The following ACAP2 variants were observed in gnomAD, a reference collection of about 807,000 sequenced individuals.
ACAP2 encodes arf-GAP with coiled-coil, ANK repeat and PH domain-containing protein 2.
In ACAP2, 39 loss-of-function variants were observed where a neutral mutation model predicts 115.8. That is an observed-to-expected ratio of 0.34 (90% CI 0.26 to 0.44). The LOEUF (loss-of-function observed/expected upper bound fraction) is 0.44. Among genes scored for constraint, ACAP2 ranks in the 20% least tolerant of loss-of-function variants. The probability of loss-of-function intolerance (pLI) is 1.00; values close to 1 mark genes in which losing one functional copy is unlikely to be tolerated. For synonymous variants in ACAP2, 289 were observed against 315.8 expected (o/e 0.92, Z 0.90); for missense variants, 662 against 927.6 (o/e 0.71, Z 3.72).
intron 1 of ACAP2, among the ~76,000 whole-genome samples, chr3:195,412,363 T>G (rs188530717): frequency 6.6e-6 from 1 of 151,142 alleles, no homozygotes; most frequent in African/African-American, 2.4e-5. Flanking sequence ...GGGCAGATCT[T>G]GAGGTCAGGA....
chr3:195,388,983 C>T (rs1175341578), intron 2 of ACAP2, among the ~76,000 whole-genome samples: 1 of 151,112 alleles, frequency 6.6e-6, no homozygotes, highest in African/African-American at 2.4e-5. Context: ...GAGATCACAC[C>T]ACTGCACTCC....
chr3:195,427,722 C>T (rs1321481196), intron 1 of ACAP2, among the ~76,000 whole-genome samples: 1 of 152,004 alleles, frequency 6.6e-6, no homozygotes, highest in Non-Finnish European at 1.5e-5. Flanking sequence ...CCAGCCTGGG[C>T]AACATGGCAA....
chr3:195,414,329 G>A (rs1040708290), intron 1 of ACAP2, among the ~76,000 whole-genome samples: 1 of 152,062 alleles, frequency 6.6e-6, no homozygotes, highest in Non-Finnish European at 1.5e-5. Flanking sequence ...GGATGGTCTC[G>A]AACTCCTGAG....
intron 1 of ACAP2, among the ~76,000 whole-genome samples, chr3:195,396,803 A>AAG (rs1711824664): frequency 6.6e-6 from 1 of 150,512 alleles, no homozygotes; most frequent in African/African-American, 2.4e-5. Context: ...GAAAAAAAAA[A>AAG]AAAAAAAAAA....
intron 6 of ACAP2, among the ~76,000 whole-genome samples, chr3:195,341,320 G>T (rs28549101): frequency 1.7e-5 from 2 of 115,414 alleles, no homozygotes; most frequent in South Asian, 2.7e-4. Context: ...TTATTGTGTG[G>T]GTTTTTTTTT....
intron 1 of ACAP2, among the ~76,000 whole-genome samples, chr3:195,420,833 A>AG (rs1320799182): frequency 6.6e-6 from 1 of 151,954 alleles, no homozygotes; most frequent in Non-Finnish European, 1.5e-5. Flanking sequence ...TAGTAGAGAC[A>AG]GGGTTTCACC....
chr3:195,398,147 AATG>A (rs1711960970), intron 1 of ACAP2, among the ~76,000 whole-genome samples: 1 of 152,218 alleles, frequency 6.6e-6, no homozygotes, highest in Non-Finnish European at 1.5e-5. Flanking sequence ...TGACATATAA[AATG>A]ATGAAATATT....
chr3:195,437,406 C>G (rs543837156), intron 1 of ACAP2, among the ~76,000 whole-genome samples: 11 of 152,168 alleles, frequency 7.2e-5, no homozygotes, highest in Non-Finnish European at 1.3e-4. Context: ...TCTTCCAGGA[C>G]CACCATGTGA....
At chr3:195,411,999 C>T (rs987071218) in intron 1 of ACAP2, among the ~76,000 whole-genome samples, 4 of 150,898 alleles carry the variant, frequency 2.7e-5, no homozygotes, top group African/African-American at 9.7e-5. Context: ...GACCTGCCAG[C>T]AAAATGCTTA....
At chr3:195,342,018 G>A (rs1730911894) in intron 6 of ACAP2, among the ~76,000 whole-genome samples, 1 of 151,996 alleles carries the variant, frequency 6.6e-6, no homozygotes, top group Non-Finnish European at 1.5e-5. Context: ...GGAGGTGATG[G>A]ATGAAAAATT....
chr3:195,347,384 A>T (rs1347624385), intron 4 of ACAP2, among the ~76,000 whole-genome samples: 1 of 152,138 alleles, frequency 6.6e-6, no homozygotes, highest in Non-Finnish European at 1.5e-5. Context: ...AACTACTGAA[A>T]CAGGGAACAA....
intron 8 of ACAP2, among the ~76,000 whole-genome samples, chr3:195,327,499 A>C (rs1185043709): frequency 1.3e-5 from 2 of 152,200 alleles, no homozygotes; most frequent in Admixed American, 6.5e-5. Flanking sequence ...CAAATCTAAA[A>C]AGAAGAAAAA....
intron 4 of ACAP2, among the ~76,000 whole-genome samples, chr3:195,362,263 C>G (rs574670407): frequency 6.6e-6 from 1 of 151,318 alleles, no homozygotes; most frequent in South Asian, 2.1e-4. Flanking sequence ...TTGCAGTGAG[C>G]CGAGATTGCG....
chr3:195,321,335 G>A (rs905129274), intron 9 of ACAP2, among the ~76,000 whole-genome samples: 9 of 145,582 alleles, frequency 6.2e-5, no homozygotes, highest in African/African-American at 1.3e-4. Context: ...TGATTCTCCC[G>A]TCTCAGTCTC....
rs1044424063 is a variant in ACAP2, at chr3:195,301,869, T to C, written c.1325+97A>G. 2.7e-5 allele frequency: 37 copies of C among 1,381,512 alleles called. No individual in the cohort carries two copies. The Admixed American group carries it at 7.3e-4, about 27-fold the overall frequency. The allele number at this position is 1,381,512 out of a possible 1,614,324, so 85.6% of individuals were successfully genotyped here. ...ACAAAGATACAAACTGGTGATTAAA[T>C]TAGGGAAGTGGAAAAGGGCAACTAA... On this transcript the variant is annotated intron_variant, in intron 14 of 22. Coordinates refer to ENST00000326793, the MANE Select transcript of ACAP2 (RefSeq NM_012287.6).
rs113036650 is a variant in ACAP2 at position 195,305,751 on chromosome 3, C to T, written c.1116+760G>A. ...TTGTACCCAGACAAGTTCACGCAAACGTGGCTACTGATCAAATTCCTACTT... is the reference window on the plus strand; with the variant it reads ...TTGTACCCAGACAAGTTCACGCAAATGTGGCTACTGATCAAATTCCTACTT... On this transcript the variant is annotated intron_variant, in intron 13 of 22. Coordinates refer to ENST00000326793, the MANE Select transcript of ACAP2 (RefSeq NM_012287.6). Among the ~76,000 whole-genome samples, 65 of 152,094 alleles carry T rather than the reference C, an allele frequency of 4.3e-4. No homozygotes were observed. In the Middle Eastern group the frequency reaches 0.017, roughly 40 times the overall value.
At chr3:195,291,541 A>G (rs1727253838) in intron 20 of ACAP2, among the ~76,000 whole-genome samples, 165 bp downstream of exon 20, 1 of 152,242 alleles carries the variant, frequency 6.6e-6, no homozygotes, top group South Asian at 2.1e-4. Context: ...GCTTTTTCTG[A>G]AAGAGATTTT....
intron 1 of ACAP2, among the ~76,000 whole-genome samples, chr3:195,398,250 C>G (rs1230190923): frequency 6.6e-6 from 1 of 152,170 alleles, no homozygotes; most frequent in Non-Finnish European, 1.5e-5. Context: ...AACATAGAAT[C>G]AGTATGAAGG....
rs1325799295 is a variant in ACAP2, at chr3:195,276,762, C to T, written c.*2566G>A. Reference sequence around the variant, plus strand: ...CTATTAGTTGACATGGCTAAATTCACCTAAGAGCCAACCTACCTTGTAACT... The same window carrying T: ...CTATTAGTTGACATGGCTAAATTCATCTAAGAGCCAACCTACCTTGTAACT... On this transcript the variant is annotated 3_prime_UTR_variant, in exon 23 of 23. Transcript: ENST00000326793. 6.6e-6 allele frequency: 1 copy of T among 152,182 alleles called. No homozygotes were observed. 9.4% of individuals were successfully genotyped at this position (152,182 alleles called of 1,614,324 possible).
Sources: gnomAD v4.1 joint callset for allele counts (sites outside exome capture counted in the v4.1 genomes callset) on GRCh38, gnomAD v4.1.1 for gene constraint, MANE v1.5 for transcripts, NCBI Gene and HGNC (gene_info 2026-07-23, HGNC 2026-07-21) for gene names.